SLC35E3: variants seen among roughly 807,000 people sequenced by gnomAD.
The protein encoded by SLC35E3 is solute carrier family 35 member E3.
A neutral mutation model predicts 30.8 loss-of-function variants in SLC35E3; 28 were observed. The ratio of observed to expected loss-of-function variants is 0.91; its 90% CI spans 0.67 to 1.25. The LOEUF (loss-of-function observed/expected upper bound fraction) is 1.25, where lower values mean the gene tolerates loss of function less well. SLC35E3 is among the 50% of genes most tolerant of loss of function. The pLI, the probability that SLC35E3 is intolerant of heterozygous loss-of-function variation, is 0.00. For missense variants in SLC35E3, 365 were observed against 375.4 expected, an observed-to-expected ratio of 0.97 and a Z score of 0.23; for synonymous variants, 146 against 149.2, an observed-to-expected ratio of 0.98 and a Z score of 0.16.
In SLC35E3 at chr12:68,764,777, T is replaced by A; in HGVS notation, c.829T>A (p.Ser277Thr). Residue 277 changes from serine to threonine, a missense_variant, in exon 5 of 5, where the codon TCC becomes ACC. Ser to Thr is a moderately conservative substitution (Grantham distance 58). Coordinates refer to ENST00000398004, the MANE Select transcript of SLC35E3 (RefSeq NM_018656.5). ...ATATGTTTTATTTAAGGATCCACTG[T>A]CCATTAATCAGGCCCTTGGCATTTT... is the stretch of plus-strand genomic sequence containing the variant. ...GGYVLFKDPL[S>T]INQALGILCT... 1.2e-6 allele frequency: 2 copies of A among 1,614,180 alleles called. No homozygotes were observed. The highest frequency in any genetic ancestry group is 2.2e-5 in the East Asian group (1 of 44,872).
rs76925627 is a variant in SLC35E3 at position 68,765,564 on chromosome 12, GC to G, written c.*675del. On this transcript the variant is annotated 3_prime_UTR_variant, in exon 5 of 5. Transcript: ENST00000398004. ...ATCGTACCACTGCACTCCAGCCTGGGCGACAGAGCAAGACACTGTCTCTCTC... is the reference window on the plus strand; with the variant it reads ...ATCGTACCACTGCACTCCAGCCTGGGGACAGAGCAAGACACTGTCTCTCTC... The G allele has an allele frequency of 0.1, 15,694 of 151,608 alleles. 891 individuals are homozygous for G. Among genetic ancestry groups the G allele is most frequent in the East Asian group, 0.23 (1,193 of 5,134 alleles). 9.4% of individuals were successfully genotyped at this position (151,608 alleles called of 1,614,324 possible). A position where few individuals can be genotyped will look rare whatever the true frequency, so the allele number is the denominator to read the frequency against.
rs559731599 is a variant in SLC35E3, at chr12:68,772,571, T to C, written c.*7681T>C. 1 of 152,348 alleles carries C rather than the reference T, an allele frequency of 6.6e-6. No individual in the cohort carries two copies. The highest frequency in any genetic ancestry group is 2.4e-5 in the African/African-American group (1 of 41,576). 9.4% of individuals were successfully genotyped at this position (152,348 alleles called of 1,614,324 possible). ...ATGAGTATTAGGGGAATGTTTTTGTTATGCTGCTTTTAATTTGGAAAGCAG... is the reference window on the plus strand; with the variant it reads ...ATGAGTATTAGGGGAATGTTTTTGTCATGCTGCTTTTAATTTGGAAAGCAG... On this transcript the variant is annotated 3_prime_UTR_variant, in exon 5 of 5. Coordinates refer to ENST00000398004, the MANE Select transcript of SLC35E3 (RefSeq NM_018656.5).
Position 68,746,177 on chromosome 12 carries a change from T to A in SLC35E3, c.-201T>A, listed in dbSNP as rs1250099910. 2 of 482,910 alleles carry A rather than the reference T, an allele frequency of 4.1e-6. No individual in the cohort carries two copies. The highest frequency in any genetic ancestry group is 7.6e-5 in the Admixed American group (2 of 26,330). The allele number at this position is 482,910 out of a possible 1,614,324, so 29.9% of individuals were successfully genotyped here. On this transcript the variant is annotated 5_prime_UTR_variant, in exon 1 of 5. Coordinates refer to ENST00000398004, the MANE Select transcript of SLC35E3 (RefSeq NM_018656.5). ...GCGGGGCGTGGGACGTGCTGCGGCG[T>A]CCTAGCTGGCTTACAGGGCGGCGGC...
Position 68,746,395 on chromosome 12 carries a change from C to T in SLC35E3, c.18C>T (p.Asp6=). The change falls in exon 1 of 5, where the codon GAC becomes GAT. Residue 6 remains aspartate (D), a synonymous_variant. Transcript: ENST00000398004. The part of the protein sequence containing the change: MALLV[D]RVRGHWRIAA... ...CGGGGATCATGGCATTGCTGGTGGA[C>T]CGAGTGCGGGGCCACTGGCGAATCG... is the stretch of plus-strand genomic sequence containing the variant. The T allele has an allele frequency of 2.5e-6, 4 of 1,598,492 alleles. No individual in the cohort carries two copies. Among genetic ancestry groups the T allele is most frequent in the Non-Finnish European group, 3.4e-6 (4 of 1,171,338 alleles).
At chr12:68,750,280 A>G (rs1310854427) in intron 2 of SLC35E3, among the ~76,000 whole-genome samples, 1 of 152,240 alleles carries the variant, frequency 6.6e-6, no homozygotes, top group African/African-American at 2.4e-5. Context: ...ATATAAGTAG[A>G]GATGGCCAGG....
chr12:68,748,167 G>A (rs1878667277), intron 2 of SLC35E3, 127 bp downstream of exon 2: 1 of 595,704 alleles, frequency 1.7e-6, no homozygotes, highest in African/African-American at 1.9e-5. Flanking sequence ...AATTGCATAA[G>A]TTGTCTGACT....
Position 68,776,512 on chromosome 12 carries a change from C to CA in SLC35E3, c.*11635dup, listed in dbSNP as rs747436123. The CA allele has an allele frequency of 0.019, 2,412 of 124,028 alleles. 33 individuals carry two copies. Among genetic ancestry groups the CA allele is most frequent in the African/African-American group, 0.039 (1,320 of 33,488 alleles). 7.7% of individuals were successfully genotyped at this position (124,028 alleles called of 1,614,324 possible). ...TGGGAGACAGAGTGAGACTCCGTCT[C>CA]AAAAAAAAAAAAAGAAAAGAAAAAT... On this transcript the variant is annotated 3_prime_UTR_variant, in exon 5 of 5. Coordinates refer to ENST00000398004, the MANE Select transcript of SLC35E3 (RefSeq NM_018656.5).
In SLC35E3 at chr12:68,778,263, C is replaced by G. The variant is rs1879795458; in HGVS notation, c.*13373C>G. 1 of 151,738 alleles carries G rather than the reference C, an allele frequency of 6.6e-6. No homozygotes were observed. 9.4% of individuals were successfully genotyped at this position (151,738 alleles called of 1,614,324 possible). On this transcript the variant is annotated 3_prime_UTR_variant, in exon 5 of 5. Coordinates refer to ENST00000398004, the MANE Select transcript of SLC35E3 (RefSeq NM_018656.5). ...ACAAACATAGCAATCATGAACAACC[C>G]AGAAAACAGCATGAAAATTAAAAGG...
rs1409301028 is a variant in SLC35E3 at position 68,770,732 on chromosome 12, G to C, written c.*5842G>C. The C allele has an allele frequency of 6.6e-6, 1 of 152,320 alleles. No homozygotes were observed. Among genetic ancestry groups the C allele is most frequent in the Non-Finnish European group, 1.5e-5 (1 of 68,202 alleles). 9.4% of individuals were successfully genotyped at this position (152,320 alleles called of 1,614,324 possible). A position where few individuals can be genotyped will look rare whatever the true frequency, so the allele number is the denominator to read the frequency against. On this transcript the variant is annotated 3_prime_UTR_variant, in exon 5 of 5. Transcript: ENST00000398004. ...GCCTGTGGTCCCAGCTACTCAGGAG[G>C]CTGAGGCGGGAGGATCTCCTGAGCC...
At chr12:68,758,297 G>A (rs1320370571) in intron 3 of SLC35E3, among the ~76,000 whole-genome samples, 4 of 152,016 alleles carry the variant, frequency 2.6e-5, no homozygotes, top group Non-Finnish European at 5.9e-5. Context: ...GCAGGCGCCT[G>A]TAGTCCCAGC....
At chr12:68,759,694 A>G (rs1219356531) in intron 4 of SLC35E3, among the ~76,000 whole-genome samples, 1 of 150,784 alleles carries the variant, frequency 6.6e-6, no homozygotes, top group Non-Finnish European at 1.5e-5. Flanking sequence ...ACAGAGCAAG[A>G]CTCTGTCTTA....
rs750666282 is a variant in SLC35E3, at chr12:68,746,835, C to T, written c.402+56C>T. 4.1e-5 allele frequency: 61 copies of T among 1,498,940 alleles called. No homozygotes were observed. The Middle Eastern group carries it at 5.4e-4, about 13-fold the overall frequency. The allele number at this position is 1,498,940 out of a possible 1,614,324, so 92.9% of individuals were successfully genotyped here. On this transcript the variant is annotated intron_variant, in intron 1 of 4. Transcript: ENST00000398004. ...TCTCCCGACCCACCTCCTGCACTGGCCCCGGGAAATTCGAACGCACACTGG... is the reference window on the plus strand; with the variant it reads ...TCTCCCGACCCACCTCCTGCACTGGTCCCGGGAAATTCGAACGCACACTGG...
In SLC35E3 at chr12:68,779,222, A is replaced by G. The variant is rs1879822226; in HGVS notation, c.*14332A>G. On this transcript the variant is annotated 3_prime_UTR_variant, in exon 5 of 5. Transcript: ENST00000398004. ...CAGCCCTGAACTCCTTGGCTCAAGT[A>G]ATCCTCCTGCCTCAGCCTCCTGAGT... 1.3e-5 allele frequency: 2 copies of G among 152,268 alleles called. No homozygotes were observed. Among genetic ancestry groups the G allele is most frequent in the Admixed American group, 1.3e-4 (2 of 15,276 alleles). The allele number at this position is 152,268 out of a possible 1,614,324, so 9.4% of individuals were successfully genotyped here. A position where few individuals can be genotyped will look rare whatever the true frequency, so the allele number is the denominator to read the frequency against.
In SLC35E3 at chr12:68,759,231, A is replaced by G. The variant is rs1336836278; in HGVS notation, c.747A>G (p.Ser249=). 6.2e-7 allele frequency: 1 copy of G among 1,611,062 alleles called. No homozygotes were observed. The highest frequency in any genetic ancestry group is 1.7e-5 in the Admixed American group (1 of 59,896). The change falls in exon 4 of 5, where the codon TCA becomes TCG. Residue 249 remains serine, a synonymous_variant. Transcript: ENST00000398004. ...LSIYWIIGNT[S]PVTYNMFGHF... The stretch of plus-strand genomic sequence containing the variant: ...TTTATTGGATCATTGGGAACACTTC[A>G]CCTGTCACGTATCCTTTTCATATAA...
rs753072776 is a variant in SLC35E3 at position 68,747,927 on chromosome 12, C to T, written c.403-3C>T. 37 of 1,467,464 alleles carry T rather than the reference C, an allele frequency of 2.5e-5. No individual in the cohort carries two copies. Among genetic ancestry groups the T allele is most frequent in the Non-Finnish European group, 7.6e-6 (8 of 1,055,302 alleles). The allele number at this position is 1,467,464 out of a possible 1,614,324, so 90.9% of individuals were successfully genotyped here. A position where few individuals can be genotyped will look rare whatever the true frequency, so the allele number is the denominator to read the frequency against. On this transcript the variant is annotated splice_polypyrimidine_tract_variant and splice_region_variant and intron_variant, in intron 1 of 4. Coordinates refer to ENST00000398004, the MANE Select transcript of SLC35E3 (RefSeq NM_018656.5). Reference sequence around the variant, plus strand: ...AACAACATTTACCTCTTTTTCGTTACAGATTCCTATAACTTTAGGTGTAAT... The same window carrying T: ...AACAACATTTACCTCTTTTTCGTTATAGATTCCTATAACTTTAGGTGTAAT...
intron 3 of SLC35E3, among the ~76,000 whole-genome samples, chr12:68,757,168 G>A (rs1019756700): frequency 1.3e-5 from 2 of 152,130 alleles, no homozygotes; most frequent in Admixed American, 6.5e-5. Context: ...CAGACCCTCA[G>A]CCAACATAAT....
chr12:68,752,115 G>T lies in SLC35E3; in HGVS notation c.597G>T (p.Leu199Phe), dbSNP rs1213402710. 1.9e-6 allele frequency: 3 copies of T among 1,613,998 alleles called. No individual in the cohort carries two copies. Among genetic ancestry groups the T allele is most frequent in the Admixed American group, 1.7e-5 (1 of 59,930 alleles). Residue 199 changes from leucine (L) to phenylalanine (F), a missense_variant, in exon 3 of 5, where the codon TTG becomes TTT. Leu to Phe is a conservative substitution (Grantham distance 22). Coordinates refer to ENST00000398004, the MANE Select transcript of SLC35E3 (RefSeq NM_018656.5). ...YYQAPMSSAM[L>F]LVAVPFFEPV... Reference sequence around the variant, plus strand: ...AGGCTCCGATGTCATCTGCCATGTTGCTGGTTGCTGTGCCCTTCTTTGAGC... The same window carrying T: ...AGGCTCCGATGTCATCTGCCATGTTTCTGGTTGCTGTGCCCTTCTTTGAGC...
intron 4 of SLC35E3, among the ~76,000 whole-genome samples, chr12:68,761,522 C>T (rs763740602): frequency 1.1e-4 from 16 of 152,128 alleles, no homozygotes; most frequent in Admixed American, 2.0e-4. Context: ...CTGTTTAGTA[C>T]ACTGTAGGAT....
At position 68,780,080 on chromosome 12, in the gene SLC35E3, G is replaced by T. The variant is rs1879844043; in HGVS notation, c.*15190G>T. ...ATTATTTCTAAAATGCAGGATATCT[G>T]GTTATCCCAAACCAGTTATATTTTT... On this transcript the variant is annotated 3_prime_UTR_variant, in exon 5 of 5. Coordinates refer to ENST00000398004, the MANE Select transcript of SLC35E3 (RefSeq NM_018656.5). 1 of 152,058 alleles carries T rather than the reference G, an allele frequency of 6.6e-6. No individual in the cohort carries two copies. Among genetic ancestry groups the T allele is most frequent in the South Asian group, 2.1e-4 (1 of 4,828 alleles). The allele number at this position is 152,058 out of a possible 1,614,324, so 9.4% of individuals were successfully genotyped here. A position where few individuals can be genotyped will look rare whatever the true frequency, so the allele number is the denominator to read the frequency against.
Sources: gnomAD v4.1 joint callset for allele counts (sites outside exome capture counted in the v4.1 genomes callset) on GRCh38, gnomAD v4.1.1 for gene constraint, MANE v1.5 for transcripts, NCBI Gene and HGNC (gene_info 2026-07-23, HGNC 2026-07-21) for gene names.